LMX1A: variants seen among roughly 807,000 people sequenced by gnomAD.
LMX1A encodes the protein LIM homeobox transcription factor 1 alpha, also known as LIM homeobox transcription factor 1-alpha.
In LMX1A, 15 loss-of-function variants were observed where a neutral mutation model predicts 49.1. That is an observed-to-expected ratio of 0.31 (90% confidence interval 0.20 to 0.47). The LOEUF is 0.47. Ranked by LOEUF, LMX1A falls within the 20% of genes least tolerant of loss-of-function variation. The pLI is 1.00. For synonymous variants in LMX1A, 167 were observed against 185.7 expected, an observed-to-expected ratio of 0.90 and a Z score of 0.82; for missense variants, 372 against 475.8, an observed-to-expected ratio of 0.78 and a Z score of 2.03.
At chr1:165,235,594 G>A (rs765996984) in intron 4 of LMX1A, among the ~76,000 whole-genome samples, 22 of 152,124 alleles carry the variant, frequency 1.4e-4, no homozygotes, top group Middle Eastern at 3.4e-3. Context: ...CTAATCCCGG[G>A]CCCGCCTGAC....
At chr1:165,333,522 G>A (rs1281418502) in intron 3 of LMX1A, among the ~76,000 whole-genome samples, 2 of 151,998 alleles carry the variant, frequency 1.3e-5, no homozygotes, top group African/African-American at 4.8e-5. Flanking sequence ...CTTTTCTCAT[G>A]GTGATACTCC....
intron 3 of LMX1A, among the ~76,000 whole-genome samples, chr1:165,279,068 C>T (rs1654056159): frequency 6.6e-6 from 1 of 152,230 alleles, no homozygotes; most frequent in African/African-American, 2.4e-5. Flanking sequence ...TAAAGTTAAA[C>T]TTCTACCACC....
intron 3 of LMX1A, among the ~76,000 whole-genome samples, chr1:165,267,187 C>A (rs79008239): frequency 6.6e-6 from 1 of 152,174 alleles, no homozygotes; most frequent in Non-Finnish European, 1.5e-5. Flanking sequence ...TGGGCCACCA[C>A]CAATCTGAGT....
chr1:165,208,013 G>C, intron 7 of LMX1A, 50 bp downstream of exon 7: 1 of 1,551,764 alleles, frequency 6.4e-7, no homozygotes, highest in Non-Finnish European at 8.9e-7. Context: ...CCTCTGGTAG[G>C]AACAGCCTGG....
At chr1:165,214,858 G>A (rs1474284850) in intron 4 of LMX1A, among the ~76,000 whole-genome samples, 1 of 152,176 alleles carries the variant, frequency 6.6e-6, no homozygotes, top group Non-Finnish European at 1.5e-5. Context: ...TATAAGCAGT[G>A]AACAACATGA....
chr1:165,356,281 T>G (rs1206243337), intron 1 of LMX1A, 74 bp downstream of exon 1: 1 of 152,142 alleles, frequency 6.6e-6, no homozygotes, highest in Non-Finnish European at 1.5e-5. Flanking sequence ...GGCTCACTCT[T>G]GGATGCATTT....
chr1:165,319,996 A>C (rs1313912853), intron 3 of LMX1A, among the ~76,000 whole-genome samples: 1 of 152,194 alleles, frequency 6.6e-6, no homozygotes, highest in Non-Finnish European at 1.5e-5. Context: ...AAGACAGCAC[A>C]ACCTCTACCT....
chr1:165,336,645 C>T (rs548536445), intron 3 of LMX1A, among the ~76,000 whole-genome samples: 5 of 152,330 alleles, frequency 3.3e-5, no homozygotes, highest in Admixed American at 6.5e-5. Context: ...TCCACCTACA[C>T]CGTTGCCATC....
chr1:165,286,713 C>CA (rs936279112), intron 3 of LMX1A, among the ~76,000 whole-genome samples: 1 of 152,032 alleles, frequency 6.6e-6, no homozygotes, highest in Admixed American at 6.6e-5. Context: ...AACTGAGGTT[C>CA]AAAAAAGTAA....
At chr1:165,244,817 G>A (rs976475272) in intron 4 of LMX1A, among the ~76,000 whole-genome samples, 1 of 150,696 alleles carries the variant, frequency 6.6e-6, no homozygotes, top group Non-Finnish European at 1.5e-5. Flanking sequence ...TAAATGTTGG[G>A]GAGTCTCTCC....
intron 3 of LMX1A, among the ~76,000 whole-genome samples, chr1:165,351,527 GGTT>G (rs1468960569): frequency 6.6e-6 from 1 of 152,182 alleles, no homozygotes; most frequent in African/African-American, 2.4e-5. Context: ...TCACTTCATA[GGTT>G]GTCATAGGGA....
intron 3 of LMX1A, among the ~76,000 whole-genome samples, chr1:165,256,615 CT>C (rs1653249508): frequency 6.6e-6 from 1 of 152,146 alleles, no homozygotes. Context: ...GACATGATAT[CT>C]ATTCTATTAA....
intron 3 of LMX1A, among the ~76,000 whole-genome samples, chr1:165,337,010 T>C (rs1309285003): frequency 6.6e-6 from 1 of 152,132 alleles, no homozygotes; most frequent in Non-Finnish European, 1.5e-5. Flanking sequence ...TGGGAGAATA[T>C]GGACATTTAG....
chr1:165,250,485 G>A (rs191783288), intron 3 of LMX1A, among the ~76,000 whole-genome samples: 3 of 152,006 alleles, frequency 2.0e-5, no homozygotes, highest in East Asian at 1.9e-4. Context: ...CTCTTGAGGT[G>A]TGTAAGAGCT....
chr1:165,243,547 T>C (rs889256898), intron 4 of LMX1A, among the ~76,000 whole-genome samples: 1 of 152,198 alleles, frequency 6.6e-6, no homozygotes, highest in African/African-American at 2.4e-5. Flanking sequence ...AGAAAGTCTG[T>C]AATGAGGGCT....
chr1:165,293,095 G>A (rs528553757), intron 3 of LMX1A, among the ~76,000 whole-genome samples: 2 of 147,220 alleles, frequency 1.4e-5, no homozygotes, highest in South Asian at 2.2e-4. Flanking sequence ...CTAGCCGGGC[G>A]ACAGAGAGAG....
chr1:165,267,544 A>G (rs1456429282), intron 3 of LMX1A, among the ~76,000 whole-genome samples: 2 of 152,190 alleles, frequency 1.3e-5, no homozygotes, highest in East Asian at 3.8e-4. Flanking sequence ...TATACCTAGG[A>G]TGAAGTTTTA....
intron 3 of LMX1A, among the ~76,000 whole-genome samples, chr1:165,344,454 T>G (rs1471583979): frequency 6.6e-6 from 1 of 152,110 alleles, no homozygotes; most frequent in Non-Finnish European, 1.5e-5. Context: ...TGTTCCACTG[T>G]CAAAACCAGA....
At chr1:165,243,422 AT>A (rs1652733563) in intron 4 of LMX1A, among the ~76,000 whole-genome samples, 1 of 152,206 alleles carries the variant, frequency 6.6e-6, no homozygotes. Flanking sequence ...ACAGAACATA[AT>A]ATCTATGACA....
Sources: gnomAD v4.1 joint callset for allele counts (sites outside exome capture counted in the v4.1 genomes callset) on GRCh38, gnomAD v4.1.1 for gene constraint, MANE v1.5 for transcripts, NCBI Gene and HGNC (gene_info 2026-07-23, HGNC 2026-07-21) for gene names.